The following VPS13C variants were observed in gnomAD, a reference collection of about 807,000 sequenced individuals.
VPS13C encodes the protein vacuolar protein sorting 13 homolog C.
In VPS13C, 358 loss-of-function variants were observed where a neutral mutation model predicts 456.8. The observed-to-expected ratio is 0.78, with a 90% CI of 0.72 to 0.86. The LOEUF is 0.86. Among genes scored for constraint, VPS13C ranks in the 40% least tolerant of loss-of-function variants. The probability of loss-of-function intolerance (pLI) is 0.00; values close to 1 mark genes in which losing one functional copy is unlikely to be tolerated. For synonymous variants in VPS13C, 1,578 were observed against 1,486.7 expected, an observed-to-expected ratio of 1.06 and a Z score of -1.41; for missense variants, 4,818 against 4,385.4, an observed-to-expected ratio of 1.10 and a Z score of -2.79.
intron 13 of VPS13C, 57 bp downstream of exon 13, chr15:62,010,415 T>C (rs2046999315): frequency 2.1e-6 from 3 of 1,436,472 alleles, no homozygotes; most frequent in East Asian, 2.6e-5. Context: ...TAATCACAAA[T>C]AAAAGCAGTC....
intron 82 of VPS13C, among the ~76,000 whole-genome samples, chr15:61,860,127 T>G (rs995683582): frequency 6.6e-6 from 1 of 152,146 alleles, no homozygotes; most frequent in Admixed American, 6.5e-5. Flanking sequence ...AAATGCTCTT[T>G]AAATTCAGTA....
chr15:61,895,757 G>T (rs1326008115), intron 66 of VPS13C, among the ~76,000 whole-genome samples: 1 of 152,034 alleles, frequency 6.6e-6, no homozygotes, highest in African/African-American at 2.4e-5. Flanking sequence ...AAAAACAGTT[G>T]GTCTCATAAA....
intron 6 of VPS13C, among the ~76,000 whole-genome samples, chr15:62,027,619 C>T (rs981088310): frequency 1.3e-5 from 2 of 152,088 alleles, no homozygotes; most frequent in Non-Finnish European, 2.9e-5. Flanking sequence ...TACAGACCCA[C>T]TTGCCATTTA....
At chr15:62,000,678 G>A (rs371940548) in intron 15 of VPS13C, 52 bp from the exon 16 acceptor site, 38 of 1,503,838 alleles carry the variant, frequency 2.5e-5, no homozygotes, top group African/African-American at 4.3e-5. Context: ...TTAGATAAAA[G>A]AAATTTTTCT....
intron 66 of VPS13C, among the ~76,000 whole-genome samples, chr15:61,906,188 T>C (rs1293625258): frequency 6.6e-6 from 1 of 152,166 alleles, no homozygotes; most frequent in East Asian, 1.9e-4. Flanking sequence ...TCATGTCCAC[T>C]TGGGCCTAAG....
intron 5 of VPS13C, among the ~76,000 whole-genome samples, 170 bp downstream of exon 5, chr15:62,033,271 C>T (rs2047878703): frequency 6.6e-6 from 1 of 151,458 alleles, no homozygotes; most frequent in Non-Finnish European, 1.5e-5. Context: ...AAGGCAATTA[C>T]TTTTTCCTAA....
intron 57 of VPS13C, 138 bp downstream of exon 57, chr15:61,919,929 A>C: frequency 1.2e-6 from 1 of 839,398 alleles, no homozygotes; most frequent in Non-Finnish European, 1.7e-6. Flanking sequence ...GAAAACAAGA[A>C]ACAAGAGGTT....
At chr15:62,057,021 T>C (rs1040932349) in intron 1 of VPS13C, among the ~76,000 whole-genome samples, 55 of 152,166 alleles carry the variant, frequency 3.6e-4, no homozygotes, top group African/African-American at 1.2e-3. Flanking sequence ...TCTCCGCGCA[T>C]TGGTGGTAGC....
At position 61,941,920 on chromosome 15, in the gene VPS13C, T is replaced by C; in HGVS notation, c.5296A>G (p.Ile1766Val). 6.2e-7 allele frequency: 1 copy of C among 1,613,978 alleles called. No individual in the cohort carries two copies. ...GGTGATACTGAAGACTGAGGAATAA[T>C]AATAACTGGTGCTTTCAAATTAATA... ...MDINLKAPVI[I>V]IPQSSVSPNA... The change falls in exon 46 of 85, where the codon ATT becomes GTT. Residue 1766 changes from isoleucine (I) to valine (V), a missense_variant. This residue lies in a region of VPS13C where 4,552 missense variants were observed against 4,130.6 expected (regional missense o/e 1.10). Transcript: ENST00000644861.
intron 16 of VPS13C, among the ~76,000 whole-genome samples, chr15:61,997,183 G>T (rs1330738991): frequency 6.6e-6 from 1 of 152,126 alleles, no homozygotes; most frequent in Non-Finnish European, 1.5e-5. Context: ...AGGTGCATCT[G>T]TCACAGTTGA....
chr15:61,931,398 T>TG (rs2044051107), intron 49 of VPS13C, 139 bp from the exon 50 acceptor site: 1 of 804,220 alleles, frequency 1.2e-6, no homozygotes, highest in Admixed American at 3.0e-5. Flanking sequence ...AACATCTGAA[T>TG]GGAACAGAGA....
At chr15:61,865,694 A>T (rs572835662) in intron 81 of VPS13C, 7 of 375,190 alleles carry the variant, frequency 1.9e-5, no homozygotes, top group African/African-American at 1.6e-4. Context: ...ATGTGTATAT[A>T]TATGTGTGTA....
intron 63 of VPS13C, 119 bp from the exon 64 acceptor site, chr15:61,910,424 T>G (rs2043271510): frequency 9.0e-6 from 7 of 782,062 alleles, no homozygotes; most frequent in Non-Finnish European, 1.2e-5. Context: ...ATGAAGTTTC[T>G]AAAAATATGT....
chr15:61,974,562 T>C (rs2045649111), intron 24 of VPS13C, 145 bp from the exon 25 acceptor site: 9 of 799,980 alleles, frequency 1.1e-5, no homozygotes, highest in Admixed American at 3.6e-5. Context: ...TTAGACAACA[T>C]TGTCAGGAAA....
At chr15:62,028,480 T>C in intron 5 of VPS13C, 60 bp from the exon 6 acceptor site, 1 of 1,514,792 alleles carries the variant, frequency 6.6e-7, no homozygotes, top group Non-Finnish European at 9.1e-7. Flanking sequence ...ACCTTTAATT[T>C]CACATGTAAA....
At chr15:61,944,759 C>T (rs535205083) in intron 45 of VPS13C, among the ~76,000 whole-genome samples, 20 of 152,056 alleles carry the variant, frequency 1.3e-4, no homozygotes, top group African/African-American at 4.1e-4. Context: ...CCATGTATGC[C>T]CTGAATCTAA....
chr15:62,009,197 G>C (rs1266752391), intron 13 of VPS13C, among the ~76,000 whole-genome samples: 1 of 152,086 alleles, frequency 6.6e-6, no homozygotes, highest in African/African-American at 2.4e-5. Context: ...AGCTGTCTAT[G>C]AGCTGATTTT....
At position 61,929,409 on chromosome 15, in the gene VPS13C, A is replaced by G. The variant is rs1405897517; in HGVS notation, c.6286+92T>C. ...TGTTTAAATATAAAAGACTAATTTTACGTTCTTAAATTTTTCATTTCTCTT... is the reference window on the plus strand; with the variant it reads ...TGTTTAAATATAAAAGACTAATTTTGCGTTCTTAAATTTTTCATTTCTCTT... On this transcript the variant is annotated intron_variant, in intron 51 of 84. Coordinates refer to ENST00000644861, the MANE Select transcript of VPS13C (RefSeq NM_020821.3). The G allele has an allele frequency of 2.0e-6, 3 of 1,471,796 alleles. No individual in the cohort carries two copies. The Admixed American group carries it at 6.8e-5, about 33-fold the overall frequency. 91.2% of individuals were successfully genotyped at this position (1,471,796 alleles called of 1,614,324 possible).
chr15:61,870,398 C>CT (rs959416781), intron 79 of VPS13C, among the ~76,000 whole-genome samples: 112 of 152,038 alleles, frequency 7.4e-4, no homozygotes, highest in South Asian at 2.1e-3. Context: ...TGTACTGTGA[C>CT]TTTTTTTTCT....
Sources: allele counts gnomAD v4.1 joint callset (sites outside exome capture counted in the v4.1 genomes callset), GRCh38; gene constraint gnomAD v4.1.1; regional missense constraint gnomAD v4.1.1; transcripts MANE v1.5; gene names NCBI Gene and HGNC (gene_info 2026-07-23, HGNC 2026-07-21).